Variants in HMCN1 observed in about 807,000 individuals in gnomAD.
HMCN1 encodes the protein hemicentin 1.
In HMCN1, 321 loss-of-function variants were observed where a neutral mutation model predicts 625.9. That is an observed-to-expected ratio of 0.51 (90% confidence interval 0.47 to 0.56). The LOEUF (loss-of-function observed/expected upper bound fraction) is 0.56. Among genes scored for constraint, HMCN1 ranks in the 20% least tolerant of loss-of-function variants. The probability of loss-of-function intolerance (pLI) is 0.00; values close to 1 mark genes in which losing one functional copy is unlikely to be tolerated. For synonymous variants in HMCN1, 2,425 were observed against 2,417.6 expected, an observed-to-expected ratio of 1.00 and a Z score of -0.09; for missense variants, 6,588 against 6,887.3, an observed-to-expected ratio of 0.96 and a Z score of 1.54.
chr1:186,112,568 C>T (rs1660940084), intron 71 of HMCN1, among the ~76,000 whole-genome samples: 1 of 152,186 alleles, frequency 6.6e-6, no homozygotes, highest in Non-Finnish European at 1.5e-5. Flanking sequence ...GTCACCTGCC[C>T]ATTCTTGAAT....
rs764091385 is a variant in HMCN1, at chr1:186,087,534, C to T, written c.9252C>T (p.Asn3084=). The T allele has an allele frequency of 2.0e-5, 32 of 1,613,036 alleles. No individual in the cohort carries two copies. The Middle Eastern group carries it at 6.6e-4, about 33-fold the overall frequency. The change falls in exon 60 of 107, where the codon AAC becomes AAT. Residue 3084 remains asparagine (N), a synonymous_variant. Transcript: ENST00000271588. ...GTSVSLECES[N]AVPPPVITWY... The stretch of plus-strand genomic sequence containing the variant: ...CTGTGTCTTTGGAGTGTGAGTCGAA[C>T]GCTGTGCCACCTCCAGTCATCACTT...
At position 186,148,569 on chromosome 1, in the gene HMCN1, C is replaced by T. The variant is rs555770258; in HGVS notation, c.14609-2631C>T. ...TGTCACCCAGGCTCGAATGCAGTGG[C>T]GTGATCTCAGCTCACTGCAACCTCT... On this transcript the variant is annotated intron_variant, in intron 93 of 106. Transcript: ENST00000271588. 5.9e-5 allele frequency among the ~76,000 whole-genome samples: 9 copies of T among 152,176 alleles called. No homozygotes were observed. The South Asian group carries it at 1.2e-3, about 21-fold the overall frequency.
At chr1:185,908,599 C>T (rs1191166035) in intron 4 of HMCN1, among the ~76,000 whole-genome samples, 2 of 151,856 alleles carry the variant, frequency 1.3e-5, no homozygotes, top group Admixed American at 1.3e-4. Context: ...TTTTCTTGTT[C>T]ACAATGAGGC....
At chr1:186,127,922 T>C in intron 82 of HMCN1, among the ~76,000 whole-genome samples, 156 bp from the exon 83 acceptor site, 1 of 152,182 alleles carries the variant, frequency 6.6e-6, no homozygotes, top group Non-Finnish European at 1.5e-5. Context: ...AATTATGTTA[T>C]GCAAAAGCTA....
rs115909724 is a variant in HMCN1 at position 186,078,870 on chromosome 1, C to A, written c.8599+650C>A. 4.4e-3 allele frequency among the ~76,000 whole-genome samples: 677 copies of A among 152,190 alleles called. 1 individual carries two copies. Among genetic ancestry groups the A allele is most frequent in the African/African-American group, 0.016 (651 of 41,508 alleles). ...ACAGAGAGTTGAAGAAGTATTTTTCCTGTAAGGGAAAAGATAAGTGACATA... is the reference window on the plus strand; with the variant it reads ...ACAGAGAGTTGAAGAAGTATTTTTCATGTAAGGGAAAAGATAAGTGACATA... On this transcript the variant is annotated intron_variant, in intron 55 of 106. Coordinates refer to ENST00000271588, the MANE Select transcript of HMCN1 (RefSeq NM_031935.3).
chr1:185,837,810 TGTC>T (rs1661258865), intron 1 of HMCN1, among the ~76,000 whole-genome samples: 1 of 152,212 alleles, frequency 6.6e-6, no homozygotes, highest in Non-Finnish European at 1.5e-5. Flanking sequence ...GCTTTGTATT[TGTC>T]TTTTCTGGTT....
intron 16 of HMCN1, among the ~76,000 whole-genome samples, chr1:185,980,402 T>G (rs1170680551): frequency 6.6e-6 from 1 of 152,230 alleles, no homozygotes; most frequent in African/African-American, 2.4e-5. Flanking sequence ...TGCAGACTCA[T>G]GTAGTTACAA....
chr1:186,154,011 T>C (rs1046770304), intron 97 of HMCN1, 24 bp downstream of exon 97: 13 of 1,572,202 alleles, frequency 8.3e-6, no homozygotes, highest in Non-Finnish European at 9.6e-6. Flanking sequence ...AGAAAATCCA[T>C]ATCTTTATGC....
At chr1:185,930,499 T>C (rs998271068) in intron 10 of HMCN1, among the ~76,000 whole-genome samples, 1 of 152,188 alleles carries the variant, frequency 6.6e-6, no homozygotes, top group African/African-American at 2.4e-5. Context: ...TTTAAAGGGA[T>C]ATTAGGAAAT....
chr1:186,134,662 A>C lies in HMCN1; in HGVS notation c.13313-2006A>C, dbSNP rs191848960. ...CTTTGCAGAAAAAAACTAACATATT[A>C]ATATCACAACAAAACACATTTTTGT... On this transcript the variant is annotated intron_variant, in intron 86 of 106. Coordinates refer to ENST00000271588, the MANE Select transcript of HMCN1 (RefSeq NM_031935.3). 5.3e-5 allele frequency among the ~76,000 whole-genome samples: 8 copies of C among 152,276 alleles called. No individual in the cohort carries two copies. The East Asian group carries it at 1.5e-3, about 29-fold the overall frequency.
chr1:185,937,874 C>A (rs1235390686), intron 11 of HMCN1, among the ~76,000 whole-genome samples: 1 of 144,380 alleles, frequency 6.9e-6, no homozygotes, highest in Admixed American at 6.9e-5. Flanking sequence ...GAGCGAGACT[C>A]CATCTCAAAA....
At chr1:185,889,965 T>G (rs1047884069) in intron 4 of HMCN1, among the ~76,000 whole-genome samples, 6 of 149,762 alleles carry the variant, frequency 4.0e-5, no homozygotes, top group African/African-American at 1.5e-4. Flanking sequence ...TGGTAAGCTA[T>G]TGATTATTGC....
chr1:186,184,383 A>T (rs1419537407), intron 105 of HMCN1, among the ~76,000 whole-genome samples: 1 of 152,200 alleles, frequency 6.6e-6, no homozygotes, highest in Non-Finnish European at 1.5e-5. Context: ...TACAAACGTC[A>T]ATAATAAAAG....
chr1:186,113,092 T>G, intron 72 of HMCN1, 139 bp downstream of exon 72: 1 of 910,446 alleles, frequency 1.1e-6, no homozygotes, highest in Non-Finnish European at 1.7e-6. Context: ...ACGTGGAGTA[T>G]TTGTATTATA....
intron 82 of HMCN1, among the ~76,000 whole-genome samples, chr1:186,127,580 A>G (rs1159819637): frequency 1.3e-5 from 2 of 152,144 alleles, no homozygotes; most frequent in Non-Finnish European, 2.9e-5. Flanking sequence ...TAATTGTGTC[A>G]GATTCTACAA....
At chr1:186,089,336 T>G (rs973481916) in intron 63 of HMCN1, among the ~76,000 whole-genome samples, 1 of 152,054 alleles carries the variant, frequency 6.6e-6, no homozygotes, top group African/African-American at 2.4e-5. Flanking sequence ...GAAACTGAAA[T>G]GAAAGTCTAA....
At position 186,126,766 on chromosome 1, in the gene HMCN1, C is replaced by T. The variant is rs375251048; in HGVS notation, c.12690+972C>T. 9.2e-5 allele frequency among the ~76,000 whole-genome samples: 14 copies of T among 152,132 alleles called. 1 individual carries two copies. Among genetic ancestry groups the T allele is most frequent in the Non-Finnish European group, 1.2e-4 (8 of 68,030 alleles). ...GTGATAAATGGAGGCCAAATCATGT[C>T]GGGTCTTACAGGTCATTGTAACAAT... On this transcript the variant is annotated intron_variant, in intron 82 of 106. Transcript: ENST00000271588.
chr1:185,788,582 C>A (rs1226910442), intron 1 of HMCN1, among the ~76,000 whole-genome samples: 1 of 152,112 alleles, frequency 6.6e-6, no homozygotes, highest in East Asian at 1.9e-4. Context: ...TACAGGAAGC[C>A]ATTGTAATTT....
At chr1:186,103,416 G>A (rs1414292252) in intron 68 of HMCN1, 56 bp from the exon 69 acceptor site, 31 of 1,439,416 alleles carry the variant, frequency 2.2e-5, no homozygotes, top group African/African-American at 2.8e-5. Context: ...TTTTTCTAAC[G>A]AGCAATATTT....
Sources: gnomAD v4.1 joint callset for allele counts (sites outside exome capture counted in the v4.1 genomes callset) on GRCh38, gnomAD v4.1.1 for gene constraint, MANE v1.5 for transcripts, NCBI Gene and HGNC (gene_info 2026-07-23, HGNC 2026-07-21) for gene names.